Variants in RNF214 observed in about 807,000 individuals in gnomAD.
RNF214 encodes the protein ring finger protein 214.
In RNF214, 25 loss-of-function variants were observed where a neutral mutation model predicts 75.9. That is an observed-to-expected ratio of 0.33 (90% CI 0.24 to 0.46). The LOEUF (loss-of-function observed/expected upper bound fraction) is 0.46. Among genes scored for constraint, RNF214 ranks in the 20% least tolerant of loss-of-function variants. The pLI is 1.00. For missense variants in RNF214, 725 were observed against 857.5 expected, an observed-to-expected ratio of 0.85 and a Z score of 1.93; for synonymous variants, 314 against 308.8, an observed-to-expected ratio of 1.02 and a Z score of -0.18.
At chr11:117,284,905 G>A (rs941797025) in intron 14 of RNF214, among the ~76,000 whole-genome samples, 181 bp from the exon 15 acceptor site, 6 of 152,164 alleles carry the variant, frequency 3.9e-5, no homozygotes, top group Non-Finnish European at 7.3e-5. Context: ...ACGCCAGCCT[G>A]GGCAATAGAG....
intron 6 of RNF214, among the ~76,000 whole-genome samples, chr11:117,273,447 T>C (rs2033950853): frequency 6.8e-6 from 1 of 146,054 alleles, no homozygotes; most frequent in Non-Finnish European, 1.5e-5. Flanking sequence ...TTGTTTACCT[T>C]GAATTTTGAA....
chr11:117,244,347 G>A (rs2134364487), intron 4 of RNF214, 98 bp from the exon 5 acceptor site: 1 of 899,938 alleles, frequency 1.1e-6, no homozygotes. Context: ...ATTGGATAGT[G>A]CGGTCATAGA....
intron 4 of RNF214, among the ~76,000 whole-genome samples, 188 bp downstream of exon 4, chr11:117,240,048 T>TA (rs139284124): frequency 1.4e-3 from 212 of 148,446 alleles, no homozygotes; most frequent in African/African-American, 4.5e-3. Flanking sequence ...CAGTTACGTT[T>TA]AAAAAAAAAA....
chr11:117,253,677 A>G (rs1325674705), intron 6 of RNF214, among the ~76,000 whole-genome samples: 1 of 152,118 alleles, frequency 6.6e-6, no homozygotes, highest in Admixed American at 6.6e-5. Flanking sequence ...CCTTATCTCT[A>G]TAAAAAATAA....
chr11:117,260,851 T>A, intron 6 of RNF214, among the ~76,000 whole-genome samples: 1 of 149,886 alleles, frequency 6.7e-6, no homozygotes, highest in Non-Finnish European at 1.5e-5. Context: ...ACGGGGTTTC[T>A]CCATGTTGGT....
intron 6 of RNF214, among the ~76,000 whole-genome samples, chr11:117,279,706 A>G (rs562717166): frequency 6.6e-6 from 1 of 152,328 alleles, no homozygotes; most frequent in South Asian, 2.1e-4. Flanking sequence ...ATTTGTCTGT[A>G]TCTATATTTG....
chr11:117,234,761 C>T (rs1253181250), intron 2 of RNF214, among the ~76,000 whole-genome samples: 2 of 152,144 alleles, frequency 1.3e-5, no homozygotes, highest in Non-Finnish European at 2.9e-5. Flanking sequence ...ATTACCCAAA[C>T]TTATATCTCA....
chr11:117,239,145 T>C lies in RNF214; in HGVS notation c.618+34T>C, dbSNP rs200942751. On this transcript the variant is annotated intron_variant, in intron 3 of 14. Coordinates refer to ENST00000300650, the MANE Select transcript of RNF214 (RefSeq NM_207343.4). ...TCAAGTTTCTACTACTAAAATGTAA[T>C]TGGGGGGTGGTGGGGTTCAGGGTGG... is the stretch of plus-strand genomic sequence containing the variant. 2,116 of 1,557,172 alleles carry C rather than the reference T, an allele frequency of 1.4e-3. 13 individuals carry two copies. Among genetic ancestry groups the C allele is most frequent in the Middle Eastern group, 5.9e-3 (34 of 5,756 alleles).
chr11:117,246,325 GTA>G (rs1399132823), intron 5 of RNF214, among the ~76,000 whole-genome samples: 1 of 151,684 alleles, frequency 6.6e-6, no homozygotes, highest in African/African-American at 2.4e-5. Flanking sequence ...ATATCTGTGT[GTA>G]TATGTGTGTG....
chr11:117,258,422 C>T, intron 6 of RNF214, among the ~76,000 whole-genome samples: 1 of 151,314 alleles, frequency 6.6e-6, no homozygotes, highest in Non-Finnish European at 1.5e-5. Flanking sequence ...TTTTTTCTTT[C>T]TTTTTTTTTA....
chr11:117,253,176 C>CT (rs1342330671), intron 6 of RNF214, among the ~76,000 whole-genome samples: 1 of 152,128 alleles, frequency 6.6e-6, no homozygotes, highest in African/African-American at 2.4e-5. Context: ...CCATGCCCAT[C>CT]TAAGTTTTTC....
intron 6 of RNF214, among the ~76,000 whole-genome samples, chr11:117,279,419 C>T (rs192204783): frequency 2.6e-4 from 39 of 151,218 alleles, no homozygotes; most frequent in African/African-American, 6.8e-4. Flanking sequence ...GCAACCTGCG[C>T]CTCCCAGGTT....
chr11:117,235,601 C>T (rs1001770449), intron 2 of RNF214, among the ~76,000 whole-genome samples: 14 of 147,752 alleles, frequency 9.5e-5, no homozygotes, highest in Non-Finnish European at 1.3e-4. Context: ...TGGGTTCAAA[C>T]GTCTCCTGGA....
chr11:117,265,287 G>A (rs1015628133), intron 6 of RNF214, among the ~76,000 whole-genome samples: 1 of 152,002 alleles, frequency 6.6e-6, no homozygotes, highest in Non-Finnish European at 1.5e-5. Flanking sequence ...CACTGGCAAT[G>A]GACATCATAA....
intron 6 of RNF214, among the ~76,000 whole-genome samples, chr11:117,276,441 C>T (rs773174469): frequency 1.3e-5 from 2 of 152,224 alleles, no homozygotes; most frequent in South Asian, 4.1e-4. Flanking sequence ...GGGACTCTTT[C>T]TCTCAAAAAA....
At chr11:117,235,803 ATGT>A (rs1327999670) in intron 2 of RNF214, among the ~76,000 whole-genome samples, 4 of 152,084 alleles carry the variant, frequency 2.6e-5, no homozygotes, top group African/African-American at 7.2e-5. Flanking sequence ...GTACATAGTG[ATGT>A]TGTGGTGTAT....
In RNF214 at chr11:117,281,403, G is replaced by A. The variant is rs1350644787; in HGVS notation, c.1235G>A (p.Arg412His). The change falls in exon 9 of 15, where the codon CGT becomes CAT. Residue 412 changes from arginine (R) to histidine (H), a missense_variant and splice_region_variant. Arg to His is a conservative substitution (Grantham distance 29, BLOSUM62 0). Coordinates refer to ENST00000300650, the MANE Select transcript of RNF214 (RefSeq NM_207343.4). ...GTTCGGATAATGAAAAAGAATGTTC[G>A]TGTAAGTGTATCTATGAGTCATCAT... ...NGVRIMKKNV[R>H]DQFNSHIQLV... The A allele has an allele frequency of 3.7e-6, 6 of 1,605,930 alleles. No individual in the cohort carries two copies. The highest frequency in any genetic ancestry group is 2.2e-5 in the East Asian group (1 of 44,810).
chr11:117,239,660 T>G, intron 3 of RNF214, 141 bp from the exon 4 acceptor site: 1 of 653,676 alleles, frequency 1.5e-6, no homozygotes, highest in South Asian at 1.6e-5. Context: ...TTGCCAGAAC[T>G]ACATTGCTTA....
intron 14 of RNF214, among the ~76,000 whole-genome samples, chr11:117,283,488 G>A (rs901845835): frequency 1.3e-5 from 2 of 151,606 alleles, no homozygotes; most frequent in Admixed American, 1.3e-4. Flanking sequence ...AGCCTCCTGA[G>A]TAGCTGGGAC....
Sources: allele counts gnomAD v4.1 joint callset (sites outside exome capture counted in the v4.1 genomes callset), GRCh38; gene constraint gnomAD v4.1.1; transcripts MANE v1.5; gene names NCBI Gene and HGNC (gene_info 2026-07-23, HGNC 2026-07-21).